EYS: variants seen among roughly 807,000 people sequenced by gnomAD.
EYS encodes the protein protein eyes shut homolog.
In EYS, 250 loss-of-function variants were observed where a neutral mutation model predicts 282.1. The observed-to-expected ratio is 0.89, with a 90% CI of 0.80 to 0.98. The LOEUF (loss-of-function observed/expected upper bound fraction) is 0.98. Among genes scored for constraint, EYS ranks in the 50% least tolerant of loss-of-function variants. EYS has a pLI of 0.00. For missense variants in EYS, 4,016 were observed against 3,709.0 expected, an observed-to-expected ratio of 1.08 and a Z score of -2.15; for synonymous variants, 1,355 against 1,282.9, an observed-to-expected ratio of 1.06 and a Z score of -1.20.
intron 5 of EYS, among the ~76,000 whole-genome samples, chr6:65,475,831 T>G (rs1403712566): frequency 6.6e-6 from 1 of 151,882 alleles, no homozygotes; most frequent in East Asian, 1.9e-4. Flanking sequence ...TTCCCAGCTT[T>G]CTCTTCATGG....
intron 12 of EYS, among the ~76,000 whole-genome samples, chr6:65,248,477 A>G (rs908334344): frequency 2.6e-5 from 4 of 152,062 alleles, no homozygotes; most frequent in Non-Finnish European, 5.9e-5. Context: ...CAGTGAAATG[A>G]TAGAGTACAT....
intron 1 of EYS, among the ~76,000 whole-genome samples, chr6:65,678,404 T>C (rs996079796): frequency 3.9e-5 from 6 of 152,022 alleles, no homozygotes; most frequent in Admixed American, 2.0e-4. Context: ...GATATTCAGA[T>C]GCAATAGAAT....
chr6:64,048,784 T>G (rs974681717), intron 33 of EYS, among the ~76,000 whole-genome samples: 6 of 152,128 alleles, frequency 3.9e-5, no homozygotes, highest in Admixed American at 6.5e-5. Context: ...ATTATCAACT[T>G]CTTAAAAGAA....
intron 28 of EYS, among the ~76,000 whole-genome samples, chr6:64,435,651 A>G (rs974510881): frequency 6.7e-6 from 1 of 150,038 alleles, no homozygotes; most frequent in Non-Finnish European, 1.5e-5. Flanking sequence ...ACTAAAAATC[A>G]AATGAGAAAA....
intron 12 of EYS, among the ~76,000 whole-genome samples, chr6:65,242,492 A>T (rs1383106018): frequency 6.6e-6 from 1 of 152,202 alleles, no homozygotes; most frequent in Non-Finnish European, 1.5e-5. Flanking sequence ...TTCATTGTAC[A>T]GATGTAACAT....
intron 36 of EYS, among the ~76,000 whole-genome samples, chr6:63,858,126 C>G (rs959028267): frequency 3.9e-5 from 6 of 152,090 alleles, no homozygotes; most frequent in African/African-American, 1.2e-4. Context: ...AAGATTTCAC[C>G]TGTGCCAAAA....
At chr6:64,180,307 T>C (rs1764752482) in intron 31 of EYS, among the ~76,000 whole-genome samples, 1 of 152,180 alleles carries the variant, frequency 6.6e-6, no homozygotes, top group African/African-American at 2.4e-5. Context: ...CATACATGTG[T>C]AATCCTCCAT....
rs892473516 is a variant in EYS, at chr6:64,553,136, G to A, written c.5644+37087C>T. Among the ~76,000 whole-genome samples, 25 of 150,646 alleles carry A rather than the reference G, an allele frequency of 1.7e-4. No homozygotes were observed. In the South Asian group the frequency reaches 1.7e-3, roughly 10 times the overall value. On this transcript the variant is annotated intron_variant, in intron 26 of 42. Coordinates refer to ENST00000503581, the MANE Select transcript of EYS (RefSeq NM_001142800.2). ...TGGGCACATGTTCTCAGGATCTCAC[G>A]GAGCTGTGTCATGGGGCCAAGGTCA...
chr6:64,728,543 T>G (rs953594156), intron 22 of EYS, among the ~76,000 whole-genome samples: 11 of 152,104 alleles, frequency 7.2e-5, no homozygotes, highest in Admixed American at 5.9e-4. Context: ...CACCGCATTA[T>G]CCAGGATGGT....
intron 26 of EYS, among the ~76,000 whole-genome samples, chr6:64,463,449 T>C (rs1178413746): frequency 1.3e-5 from 2 of 152,266 alleles, no homozygotes; most frequent in Non-Finnish European, 2.9e-5. Context: ...CAAATATTAG[T>C]TAAGCCTTTG....
At chr6:64,118,523 A>G (rs1773466575) in intron 31 of EYS, among the ~76,000 whole-genome samples, 1 of 152,126 alleles carries the variant, frequency 6.6e-6, no homozygotes. Context: ...CTCTCACCAT[A>G]TACAAAACTG....
chr6:64,407,951 T>G (rs1773773544), intron 28 of EYS, among the ~76,000 whole-genome samples: 1 of 152,118 alleles, frequency 6.6e-6, no homozygotes, highest in Admixed American at 6.5e-5. Context: ...CAGGCTGGTC[T>G]CAAACTCCTG....
chr6:64,713,251 T>A (rs1771268248), intron 22 of EYS: 1 of 152,158 alleles, frequency 6.6e-6, no homozygotes, highest in Non-Finnish European at 1.5e-5. Flanking sequence ...TTTCCAAAAC[T>A]GCAGCAGGGA....
At chr6:64,440,999 A>G (rs775786082) in intron 26 of EYS, among the ~76,000 whole-genome samples, 1 of 152,186 alleles carries the variant, frequency 6.6e-6, no homozygotes, top group Admixed American at 6.6e-5. Flanking sequence ...GCTAAAATTG[A>G]AGCAAGAACA....
At chr6:63,736,353 C>G (rs1768912969) in intron 41 of EYS, among the ~76,000 whole-genome samples, 1 of 152,028 alleles carries the variant, frequency 6.6e-6, no homozygotes, top group Non-Finnish European at 1.5e-5. Context: ...AATCCTTTCC[C>G]CATTGCTTGT....
At chr6:65,658,203 G>A (rs1238806786) in intron 1 of EYS, among the ~76,000 whole-genome samples, 1 of 151,524 alleles carries the variant, frequency 6.6e-6, no homozygotes, top group Non-Finnish European at 1.5e-5. Flanking sequence ...CAAAAGCAAG[G>A]AAAGTCTGAG....
intron 34 of EYS, among the ~76,000 whole-genome samples, chr6:63,993,035 C>T (rs7775221): frequency 0.35 from 53,305 of 151,330 alleles, 9,473 homozygotes; most frequent in African/African-American, 0.38. Flanking sequence ...CTTACAAGGC[C>T]GCAGGAAGGA....
At chr6:65,516,988 AT>A (rs1767160614) in intron 2 of EYS, among the ~76,000 whole-genome samples, 1 of 152,044 alleles carries the variant, frequency 6.6e-6, no homozygotes, top group South Asian at 2.1e-4. Context: ...TAAAATGATA[AT>A]AAAAATACTA....
chr6:65,442,805 C>T (rs1768393736), intron 5 of EYS, among the ~76,000 whole-genome samples: 1 of 129,250 alleles, frequency 7.7e-6, no homozygotes, highest in Non-Finnish European at 1.8e-5. Context: ...TAGACACACA[C>T]ACATGCATAT....
Sources: allele counts gnomAD v4.1 joint callset (sites outside exome capture counted in the v4.1 genomes callset), GRCh38; gene constraint gnomAD v4.1.1; transcripts MANE v1.5; gene names NCBI Gene and HGNC (gene_info 2026-07-23, HGNC 2026-07-21).